Variants in MAPK15 observed in about 807,000 individuals in gnomAD.
MAPK15 encodes mitogen-activated protein kinase 15.
A neutral mutation model predicts 60.8 loss-of-function variants in MAPK15; 61 were observed. The ratio of observed to expected loss-of-function variants is 1.00; its 90% CI spans 0.82 to 1.24. The LOEUF is 1.24. MAPK15 is among the 50% of genes most tolerant of loss of function. The pLI is 0.00. For missense variants in MAPK15, 808 were observed against 741.1 expected (o/e 1.09, Z -1.05); for synonymous variants, 356 against 319.9 (o/e 1.11, Z -1.21).
chr8:143,716,563 C>A, intron 1 of MAPK15, 120 bp downstream of exon 1: 2 of 834,112 alleles, frequency 2.4e-6, no homozygotes, highest in South Asian at 2.1e-5. Flanking sequence ...CGTCCTGCCT[C>A]CTCCGTAGGC....
chr8:143,716,409 G>A lies in MAPK15; in HGVS notation c.32G>A (p.Arg11Gln), dbSNP rs782665000. 5 of 1,605,452 alleles carry A rather than the reference G, an allele frequency of 3.1e-6. No homozygotes were observed. In the East Asian group the frequency reaches 6.8e-5, roughly 22 times the overall value. The change falls in exon 1 of 14, where the codon CGG (arginine) becomes CAG (glutamine). Residue 11 changes from arginine to glutamine, a missense_variant. Coordinates refer to ENST00000338033, the MANE Select transcript of MAPK15 (RefSeq NM_139021.3). The stretch of plus-strand genomic sequence containing the variant: ...ACCGTAGTGGACCCTCGCATTGTCC[G>A]GAGATACCTACTCAGGCGGCAGCTC... MCTVVDPRIV[R>Q]RYLLRRQLGQ... is the part of the protein sequence containing the mutation.
chr8:143,720,581 C>T lies in MAPK15; in HGVS notation c.780-122C>T, dbSNP rs1186618471. ...ACTGCCTGCAGGTCAGGCACAGGGGCATCTACCTAGACAGGACAGCAGGGT... is the reference window on the plus strand; with the variant it reads ...ACTGCCTGCAGGTCAGGCACAGGGGTATCTACCTAGACAGGACAGCAGGGT... On this transcript the variant is annotated intron_variant, in intron 8 of 13. Transcript: ENST00000338033. The surrounding 1 kb of genome is among the most constrained non-coding windows in gnomAD (Gnocchi z 4.6). The T allele has an allele frequency of 6.7e-7, 1 of 1,484,550 alleles. No homozygotes were observed. The highest frequency in any genetic ancestry group is 9.0e-7 in the Non-Finnish European group (1 of 1,113,024). 92.0% of individuals were successfully genotyped at this position (1,484,550 alleles called of 1,614,324 possible). A position where few individuals can be genotyped will look rare whatever the true frequency, so the allele number is the denominator to read the frequency against.
rs544649852 is a variant in MAPK15 at position 143,720,929 on chromosome 8, G to A, written c.918-71G>A. On this transcript the variant is annotated intron_variant, in intron 9 of 13. Coordinates refer to ENST00000338033, the MANE Select transcript of MAPK15 (RefSeq NM_139021.3). This position sits in a 1 kb window ranked among gnomAD's most constrained non-coding sequence, Gnocchi z 4.6. ...CCATGAGGGACAGCCCCCACAGCAG[G>A]GACCCTGCTGTGACGGCTTGAGGGG... 9.5e-6 allele frequency: 15 copies of A among 1,579,292 alleles called. No homozygotes were observed. The highest frequency in any genetic ancestry group is 9.1e-5 in the South Asian group (8 of 88,368).
Position 143,720,071 on chromosome 8 carries a change from G to T in MAPK15, c.722-159G>T. On this transcript the variant is annotated intron_variant, in intron 7 of 13. Transcript: ENST00000338033. The surrounding 1 kb of genome is among the most constrained non-coding windows in gnomAD (Gnocchi z 4.6). ...GGTGCTCCCGTGCACAGGCTGGGTG[G>T]CACGCCCTGGTGATGGGGTGTTTGA... is the stretch of plus-strand genomic sequence containing the variant. 9.5e-7 allele frequency: 1 copy of T among 1,048,294 alleles called. No homozygotes were observed. The highest frequency in any genetic ancestry group is 1.4e-6 in the Non-Finnish European group (1 of 726,822). The allele number at this position is 1,048,294 out of a possible 1,614,324, so 64.9% of individuals were successfully genotyped here. A position where few individuals can be genotyped will look rare whatever the true frequency, so the allele number is the denominator to read the frequency against.
chr8:143,717,683 C>G lies in MAPK15; in HGVS notation c.67-11C>G. The G allele has an allele frequency of 6.3e-7, 1 of 1,594,206 alleles. No homozygotes were observed. Among genetic ancestry groups the G allele is most frequent in the Non-Finnish European group, 8.5e-7 (1 of 1,170,820 alleles). On this transcript the variant is annotated splice_polypyrimidine_tract_variant and intron_variant, in intron 1 of 13. Coordinates refer to ENST00000338033, the MANE Select transcript of MAPK15 (RefSeq NM_139021.3). ...AAGGGGCTGGCCCTGTGTGACGGCA[C>G]TCCTTCCCAGGCCTATGGCATTGTG...
In MAPK15 at chr8:143,718,875, C is replaced by T. The variant is rs1444534015; in HGVS notation, c.387C>T (p.His129=). 1.2e-6 allele frequency: 2 copies of T among 1,610,876 alleles called. No homozygotes were observed. The highest frequency in any genetic ancestry group is 1.7e-6 in the Non-Finnish European group (2 of 1,179,116). Residue 129 remains histidine, a synonymous_variant, in exon 5 of 14, where the codon CAC becomes CAT. Coordinates refer to ENST00000338033, the MANE Select transcript of MAPK15 (RefSeq NM_139021.3). ...YQLLRATRFL[H]SGHVVHRDQK... is the part of the protein sequence containing the mutation. ...TCCTGCGGGCCACCCGGTTCCTCCA[C>T]TCGGGGCACGTTGTGCACCGGGACC... is the stretch of plus-strand genomic sequence containing the variant.
At chr8:143,721,154 G>A (rs781931492) in intron 10 of MAPK15, 49 bp downstream of exon 10, 3 of 1,596,244 alleles carry the variant, frequency 1.9e-6, no homozygotes, top group South Asian at 1.1e-5. Context: ...GCACCCTGGA[G>A]GCTGCCTCCT....
intron 1 of MAPK15, 34 bp from the exon 2 acceptor site, chr8:143,717,660 G>C (rs782802092): frequency 6.5e-7 from 1 of 1,545,290 alleles, no homozygotes; most frequent in African/African-American, 1.4e-5. Flanking sequence ...ATGGGGGGAA[G>C]GGGCTGGCCC....
intron 13 of MAPK15, 43 bp from the exon 14 acceptor site, chr8:143,722,032 C>G (rs782423465): frequency 6.3e-7 from 1 of 1,580,412 alleles, no homozygotes; most frequent in Non-Finnish European, 8.6e-7. Context: ...CTCCACTGCA[C>G]CCCCTCTGAT....
intron 1 of MAPK15, among the ~76,000 whole-genome samples, chr8:143,717,489 G>A (rs538444638): frequency 1.3e-4 from 20 of 152,220 alleles, no homozygotes; most frequent in African/African-American, 4.3e-4. Flanking sequence ...CCAGGGCCTC[G>A]CCAGCTCTCA....
In MAPK15 at chr8:143,720,653, AG is replaced by A; in HGVS notation, c.780-48del. On this transcript the variant is annotated intron_variant, in intron 8 of 13. Transcript: ENST00000338033. This position sits in a 1 kb window ranked among gnomAD's most constrained non-coding sequence, Gnocchi z 4.6. ...GCCCCCAGCCACGAACATGGATCTG[AG>A]GAGGGGCCCTTGGGTCGGGCCCTGG... The A allele has an allele frequency of 6.3e-7, 1 of 1,578,684 alleles. No homozygotes were observed. The highest frequency in any genetic ancestry group is 1.2e-5 in the South Asian group (1 of 86,766).
chr8:143,718,288 T>C lies in MAPK15; in HGVS notation c.272T>C (p.Val91Ala). The C allele has an allele frequency of 6.2e-7, 1 of 1,613,948 alleles. No individual in the cohort carries two copies. The highest frequency in any genetic ancestry group is 8.5e-7 in the Non-Finnish European group (1 of 1,179,994). ...GAGAACGACAGGGACATTTACCTGG[T>C]GTTTGAGTTTATGGGTGAGTGAGGC... is the stretch of plus-strand genomic sequence containing the variant. ...RAENDRDIYLVFEFMDTDLNA... is the reference protein window; with the variant it reads ...RAENDRDIYLAFEFMDTDLNA... The change falls in exon 4 of 14, where the codon GTG (valine) becomes GCG (alanine). Residue 91 changes from valine to alanine, a missense_variant. Coordinates refer to ENST00000338033, the MANE Select transcript of MAPK15 (RefSeq NM_139021.3).
chr8:143,721,465 C>G, intron 11 of MAPK15, 54 bp downstream of exon 11: 3 of 1,610,200 alleles, frequency 1.9e-6, no homozygotes, highest in Non-Finnish European at 2.5e-6. Flanking sequence ...CCCCTTCTGC[C>G]TGTGCTGCCA....
Position 143,722,354 on chromosome 8 carries a change from C to T in MAPK15, c.*103C>T, listed in dbSNP as rs565450405. 7.1e-6 allele frequency: 8 copies of T among 1,127,174 alleles called. No homozygotes were observed. The highest frequency in any genetic ancestry group is 2.7e-5 in the East Asian group (1 of 36,582). 69.8% of individuals were successfully genotyped at this position (1,127,174 alleles called of 1,614,324 possible). A position where few individuals can be genotyped will look rare whatever the true frequency, so the allele number is the denominator to read the frequency against. ...CCTTAGCCCTCCCTGCTTTGCCTGG[C>T]CCGTTGAAGTTCCAGGGAGCTTGCC... On this transcript the variant is annotated 3_prime_UTR_variant, in exon 14 of 14. Transcript: ENST00000338033.
chr8:143,720,708 G>T lies in MAPK15; in HGVS notation c.785G>T (p.Arg262Leu), dbSNP rs200749268. The stretch of plus-strand genomic sequence containing the variant: ...CGACACACGGCAGCCCACAGGCCAC[G>T]ACAGACGCTGGATGCCCTCCTACCG... ...SVLHQLGSRP[R>L]QTLDALLPPD... The change falls in exon 9 of 14, where the codon CGA becomes CTA. Residue 262 changes from arginine to leucine, a missense_variant. Physicochemically the swap from Arg to Leu is moderately radical, Grantham distance 102 (BLOSUM62 -2). Transcript: ENST00000338033. This position sits in a 1 kb window ranked among gnomAD's most constrained non-coding sequence, Gnocchi z 4.6. 1.2e-5 allele frequency: 19 copies of T among 1,611,026 alleles called. No homozygotes were observed. Among genetic ancestry groups the T allele is most frequent in the Non-Finnish European group, 1.6e-5 (19 of 1,178,948 alleles).
rs1488907677 is a variant in MAPK15 at position 143,719,159 on chromosome 8, A to T, written c.581+3A>T. On this transcript the variant is annotated splice_donor_region_variant and intron_variant, in intron 6 of 13. Coordinates refer to ENST00000338033, the MANE Select transcript of MAPK15 (RefSeq NM_139021.3). ...GAGGTGCTGCTCTCTTCGCACCGGT[A>T]ATAGCGAGACATCCCCAACCCCCCC... 2.0e-6 allele frequency: 3 copies of T among 1,524,528 alleles called. No homozygotes were observed. The East Asian group carries it at 7.5e-5, about 38-fold the overall frequency. 94.4% of individuals were successfully genotyped at this position (1,524,528 alleles called of 1,614,324 possible). A position where few individuals can be genotyped will look rare whatever the true frequency, so the allele number is the denominator to read the frequency against.
rs200082081 is a variant in MAPK15, at chr8:143,722,191, C to A, written c.1575C>A (p.Tyr525Ter). 2 of 1,609,140 alleles carry A rather than the reference C, an allele frequency of 1.2e-6. No homozygotes were observed. Among genetic ancestry groups the A allele is most frequent in the Non-Finnish European group, 1.7e-6 (2 of 1,178,234 alleles). ...TGCTTGGAGGCTACTCCCAAGCCTA[C>A]GGGACTGTCTGCCACTCGGCACTGG... is the stretch of plus-strand genomic sequence containing the variant. ...RALLGGYSQA[Y>*]GTVCHSALGH... The change falls in exon 14 of 14, where the codon TAC (tyrosine) becomes TAA (stop). Residue 525 changes from tyrosine (Y) to a stop codon, truncating the protein, a stop_gained. Transcript: ENST00000338033. LOFTEE classifies it high-confidence loss of function.
Position 143,721,746 on chromosome 8 carries a change from T to TC in MAPK15, c.1330-3dup. On this transcript the variant is annotated splice_region_variant and splice_polypyrimidine_tract_variant and intron_variant, in intron 12 of 13. Coordinates refer to ENST00000338033, the MANE Select transcript of MAPK15 (RefSeq NM_139021.3). ...TTCAGTGACCCTGTGACATGGCCCT[T>TC]CCCAGGTGAAGCCAAGCGGGAGGGG... 6.2e-7 allele frequency: 1 copy of TC among 1,613,510 alleles called. No individual in the cohort carries two copies. The highest frequency in any genetic ancestry group is 2.2e-5 in the East Asian group (1 of 44,862).
Position 143,721,181 on chromosome 8 carries a change from A to G in MAPK15, c.1024-50A>G, listed in dbSNP as rs1554619707. ...CTGCCTCCTATGTCAGAGACCCCCA[A>G]ACGCCCCATGCCCAGGCTGTGACCT... On this transcript the variant is annotated intron_variant, in intron 10 of 13. Transcript: ENST00000338033. The G allele has an allele frequency of 3.1e-6, 5 of 1,592,940 alleles. No individual in the cohort carries two copies. In the African/African-American group the frequency reaches 4.0e-5, roughly 13 times the overall value.
Sources: allele counts gnomAD v4.1 joint callset (sites outside exome capture counted in the v4.1 genomes callset), GRCh38; gene constraint gnomAD v4.1.1; non-coding constraint Gnocchi (gnomAD v3.1); transcripts MANE v1.5; gene names NCBI Gene and HGNC (gene_info 2026-07-23, HGNC 2026-07-21).